The following CYB5R4 variants were observed in gnomAD, a reference collection of about 807,000 sequenced individuals.
The protein encoded by CYB5R4 is cytochrome b5 reductase 4, also known as N-terminal cytochrome b5 and cytochrome b5 oxidoreductase domain-containing protein.
Under a neutral mutation model 70.2 loss-of-function variants are expected in CYB5R4, and 55 were observed. The ratio of observed to expected loss-of-function variants is 0.78; its 90% CI spans 0.63 to 0.98. The LOEUF (loss-of-function observed/expected upper bound fraction) is 0.98, where lower values mean the gene tolerates loss of function less well. Among genes scored for constraint, CYB5R4 ranks in the 50% least tolerant of loss-of-function variants. The pLI is 0.00. For synonymous variants in CYB5R4, 197 were observed against 199.5 expected, an observed-to-expected ratio of 0.99 and a Z score of 0.11; for missense variants, 562 against 612.6, an observed-to-expected ratio of 0.92 and a Z score of 0.87.
At chr6:83,865,548 G>C (rs929953593) in intron 2 of CYB5R4, among the ~76,000 whole-genome samples, 20 of 152,044 alleles carry the variant, frequency 1.3e-4, no homozygotes, top group Admixed American at 2.6e-4. Context: ...TCATCTTCAC[G>C]TGGCATATTC....
rs2099473087 is a variant in CYB5R4 at position 83,960,088 on chromosome 6, A to G, written c.*210A>G. ...ATTTTACTACTGATATTTGACCTGG[A>G]AAGTTAATCATGGCAACAAATACAT... On this transcript the variant is annotated 3_prime_UTR_variant, in exon 16 of 16. Coordinates refer to ENST00000369681, the MANE Select transcript of CYB5R4 (RefSeq NM_016230.4). The G allele has an allele frequency of 7.6e-6, 3 of 395,098 alleles. No individual in the cohort carries two copies. Among genetic ancestry groups the G allele is most frequent in the East Asian group, 8.9e-5 (2 of 22,362 alleles). The allele number at this position is 395,098 out of a possible 1,614,324, so 24.5% of individuals were successfully genotyped here.
intron 5 of CYB5R4, 93 bp downstream of exon 5, chr6:83,914,541 C>A: frequency 1.7e-6 from 2 of 1,165,574 alleles, no homozygotes; most frequent in Non-Finnish European, 1.1e-6. Context: ...AAATTTTTTT[C>A]TTTTTTTTCT....
chr6:83,921,750 A>G (rs2129140036), intron 8 of CYB5R4, among the ~76,000 whole-genome samples: 1 of 152,372 alleles, frequency 6.6e-6, no homozygotes, highest in Non-Finnish European at 1.5e-5. Flanking sequence ...AAAAATATGA[A>G]ACTCTTGGTT....
intron 14 of CYB5R4, among the ~76,000 whole-genome samples, chr6:83,953,037 T>C (rs1430833497): frequency 1.3e-5 from 2 of 152,270 alleles, no homozygotes; most frequent in South Asian, 2.1e-4. Flanking sequence ...TATAGCACTT[T>C]CGGTTTCTTC....
intron 2 of CYB5R4, among the ~76,000 whole-genome samples, chr6:83,891,866 G>A (rs1414433081): frequency 6.6e-6 from 1 of 152,160 alleles, no homozygotes; most frequent in African/African-American, 2.4e-5. Context: ...CAGAAGAGCT[G>A]GTTGCTGAAA....
intron 14 of CYB5R4, among the ~76,000 whole-genome samples, chr6:83,954,382 C>T (rs1195940322): frequency 1.3e-5 from 2 of 152,034 alleles, no homozygotes. Flanking sequence ...TGATTTATAC[C>T]AGCATATTAT....
At chr6:83,934,409 CAT>C (rs2099468618) in intron 10 of CYB5R4, among the ~76,000 whole-genome samples, 184 bp from the exon 11 acceptor site, 1 of 152,022 alleles carries the variant, frequency 6.6e-6, no homozygotes, top group South Asian at 2.1e-4. Flanking sequence ...TTGGTCAACA[CAT>C]ATCTCAGGAA....
intron 10 of CYB5R4, among the ~76,000 whole-genome samples, chr6:83,927,814 T>TGTCCTCAGAGGTCTAGGAAGG (rs1444439064): frequency 6.6e-6 from 1 of 152,046 alleles, no homozygotes; most frequent in Non-Finnish European, 1.5e-5. Context: ...CAGCCTGTCC[T>TGTCCTCAGAGGTCTAGGAAGG]GTCCTCAGAG....
chr6:83,899,158 A>G (rs1427062180), intron 3 of CYB5R4, among the ~76,000 whole-genome samples: 1 of 152,280 alleles, frequency 6.6e-6, no homozygotes, highest in East Asian at 1.9e-4. Context: ...TAATTTATTG[A>G]GAGTTTTTAG....
intron 4 of CYB5R4, 24 bp from the exon 5 acceptor site, chr6:83,914,392 T>G (rs2099465166): frequency 6.6e-7 from 1 of 1,521,036 alleles, no homozygotes; most frequent in Non-Finnish European, 8.9e-7. Context: ...CTTATTTGAC[T>G]TTTTTTTCTA....
intron 1 of CYB5R4, 52 bp downstream of exon 1, chr6:83,859,909 C>A: frequency 6.6e-7 from 1 of 1,520,580 alleles, no homozygotes; most frequent in Non-Finnish European, 8.9e-7. Context: ...CGAGCTCTGG[C>A]AGTGTGTTCT....
At chr6:83,904,373 A>G (rs566740411) in intron 3 of CYB5R4, among the ~76,000 whole-genome samples, 1 of 152,108 alleles carries the variant, frequency 6.6e-6, no homozygotes, top group South Asian at 2.1e-4. Flanking sequence ...GTATTGATTT[A>G]TTTTACTGGG....
intron 12 of CYB5R4, among the ~76,000 whole-genome samples, chr6:83,939,603 G>A (rs1168480043): frequency 1.3e-5 from 2 of 152,152 alleles, no homozygotes; most frequent in Non-Finnish European, 2.9e-5. Flanking sequence ...TCCTGTTACT[G>A]TGGTTAATAA....
chr6:83,909,155 A>T, intron 4 of CYB5R4, 65 bp downstream of exon 4: 2 of 1,364,560 alleles, frequency 1.5e-6, no homozygotes. Context: ...TTTAACTTGG[A>T]TTTAAACAAC....
chr6:83,876,887 G>A (rs1392286281), intron 2 of CYB5R4, among the ~76,000 whole-genome samples: 1 of 152,002 alleles, frequency 6.6e-6, no homozygotes, highest in African/African-American at 2.4e-5. Flanking sequence ...AGGCTGGAGT[G>A]CAGTGGCACG....
chr6:83,867,573 A>G (rs2099456930), intron 2 of CYB5R4, among the ~76,000 whole-genome samples: 3 of 152,270 alleles, frequency 2.0e-5, no homozygotes, highest in Admixed American at 2.0e-4. Context: ...TCGGATGATA[A>G]CAGGAGGTGA....
intron 12 of CYB5R4, among the ~76,000 whole-genome samples, chr6:83,937,296 A>C (rs2099469071): frequency 6.6e-6 from 1 of 152,052 alleles, no homozygotes; most frequent in African/African-American, 2.4e-5. Context: ...ATAAAAAATA[A>C]AAATAAATAA....
chr6:83,924,619 A>G (rs2099466976), intron 10 of CYB5R4, 27 bp downstream of exon 10: 1 of 1,604,788 alleles, frequency 6.2e-7, no homozygotes, highest in African/African-American at 1.3e-5. Context: ...TGTTACGTTA[A>G]TTTCACATTC....
intron 5 of CYB5R4, 93 bp from the exon 6 acceptor site, chr6:83,917,912 G>T: frequency 1.1e-6 from 1 of 935,078 alleles, no homozygotes; most frequent in Non-Finnish European, 1.7e-6. Flanking sequence ...ATCCTTTTAT[G>T]AATATATGTG....
Sources: gnomAD v4.1 joint callset for allele counts (sites outside exome capture counted in the v4.1 genomes callset) on GRCh38, gnomAD v4.1.1 for gene constraint, MANE v1.5 for transcripts, NCBI Gene and HGNC (gene_info 2026-07-23, HGNC 2026-07-21) for gene names.